Variants in SYT1 observed in about 807,000 individuals in gnomAD.
The protein encoded by SYT1 is synaptotagmin 1, also known as synaptotagmin-1.
In SYT1, 8 loss-of-function variants were observed where a neutral mutation model predicts 44.8. That is an observed-to-expected ratio of 0.18 (90% CI 0.10 to 0.32). The LOEUF is 0.32. SYT1 is among the 10% of genes least tolerant of loss of function. The pLI is 1.00. For missense variants in SYT1, 286 were observed against 509.3 expected (o/e 0.56, Z 4.22); for synonymous variants, 154 against 188.8 (o/e 0.82, Z 1.51).
chr12:79,385,073 G>A (rs1884382644), intron 9 of SYT1, among the ~76,000 whole-genome samples: 1 of 139,830 alleles, frequency 7.2e-6, no homozygotes, highest in Admixed American at 8.1e-5. Flanking sequence ...TGCAACCTCC[G>A]CCTCCTAGAT....
intron 3 of SYT1, among the ~76,000 whole-genome samples, chr12:79,121,204 C>T (rs1380776562): frequency 6.6e-6 from 1 of 151,972 alleles, no homozygotes; most frequent in African/African-American, 2.4e-5. Flanking sequence ...ACGAGCATCC[C>T]ATTGCCCACT....
intron 9 of SYT1, among the ~76,000 whole-genome samples, chr12:79,381,161 C>G (rs887353883): frequency 2.6e-5 from 4 of 152,140 alleles, no homozygotes; most frequent in Non-Finnish European, 1.5e-5. Context: ...AACGAATGGC[C>G]TACTATATTA....
At chr12:79,015,849 C>T (rs1470840788) in intron 2 of SYT1, among the ~76,000 whole-genome samples, 2 of 152,102 alleles carry the variant, frequency 1.3e-5, no homozygotes, top group Non-Finnish European at 2.9e-5. Context: ...CTAGGTAGGC[C>T]AGGATTATCT....
chr12:78,985,947 GA>G (rs1348831681), intron 2 of SYT1, among the ~76,000 whole-genome samples: 15 of 151,904 alleles, frequency 9.9e-5, no homozygotes, highest in African/African-American at 3.6e-4. Context: ...TTGAAGGAGG[GA>G]AAAATAAAAA....
At chr12:79,079,926 A>G (rs1439505016) in intron 3 of SYT1, among the ~76,000 whole-genome samples, 3 of 152,098 alleles carry the variant, frequency 2.0e-5, no homozygotes, top group Non-Finnish European at 4.4e-5. Context: ...GTACTTTTAC[A>G]TAGCTGCTGA....
chr12:79,128,888 C>G (rs146679177), intron 3 of SYT1, among the ~76,000 whole-genome samples: 162 of 152,258 alleles, frequency 1.1e-3, no homozygotes, highest in African/African-American at 3.7e-3. Context: ...TGGTAATTCC[C>G]TGAACACTTT....
chr12:79,063,511 A>G (rs1252352659), intron 3 of SYT1, among the ~76,000 whole-genome samples: 1 of 152,128 alleles, frequency 6.6e-6, no homozygotes, highest in African/African-American at 2.4e-5. Flanking sequence ...TCCACTGTGC[A>G]GTCTGTCCCT....
intron 1 of SYT1, among the ~76,000 whole-genome samples, chr12:78,866,893 T>C (rs78675879): frequency 6.6e-6 from 1 of 152,246 alleles, no homozygotes; most frequent in East Asian, 1.9e-4. Flanking sequence ...GTACGTTTAA[T>C]ATATAAGTTT....
At position 79,222,653 on chromosome 12, in the gene SYT1, G is replaced by A. The variant is rs372107555; in HGVS notation, c.166+4968G>A. Reference sequence around the variant, plus strand: ...CCACCTTGGCATCCTAAAGTGCTGGGATTCCAGGCGTGAGCCACTGCACCT... The same window carrying A: ...CCACCTTGGCATCCTAAAGTGCTGGAATTCCAGGCGTGAGCCACTGCACCT... On this transcript the variant is annotated intron_variant, in intron 4 of 10. Transcript: ENST00000261205. 1.2e-4 allele frequency among the ~76,000 whole-genome samples: 19 copies of A among 152,180 alleles called. 1 individual carries two copies. Among genetic ancestry groups the A allele is most frequent in the East Asian group, 1.2e-3 (6 of 5,192 alleles).
intron 1 of SYT1, among the ~76,000 whole-genome samples, chr12:78,894,343 T>TTG: frequency 1.7e-5 from 2 of 116,166 alleles, no homozygotes; most frequent in South Asian, 2.9e-4. Flanking sequence ...TTTTTTTTTT[T>TTG]TTTTTTTTTT....
intron 3 of SYT1, among the ~76,000 whole-genome samples, chr12:79,086,264 A>T (rs1248855367): frequency 6.6e-6 from 1 of 152,036 alleles, no homozygotes; most frequent in Non-Finnish European, 1.5e-5. Flanking sequence ...AGCTGTGTAT[A>T]GGTATATGTG....
At chr12:79,210,231 A>T (rs574061400) in intron 3 of SYT1, among the ~76,000 whole-genome samples, 15 of 152,270 alleles carry the variant, frequency 9.9e-5, no homozygotes, top group African/African-American at 3.6e-4. Flanking sequence ...ACAAAACTAT[A>T]AACTTTTTTT....
At chr12:79,126,442 G>A (rs1035488732) in intron 3 of SYT1, among the ~76,000 whole-genome samples, 14 of 152,094 alleles carry the variant, frequency 9.2e-5, no homozygotes, top group African/African-American at 3.1e-4. Flanking sequence ...TGTATTTTTA[G>A]TAGAGACGGG....
intron 4 of SYT1, among the ~76,000 whole-genome samples, chr12:79,272,222 G>T (rs1164430075): frequency 6.6e-6 from 1 of 152,144 alleles, no homozygotes; most frequent in African/African-American, 2.4e-5. Flanking sequence ...GTGAGTGTGG[G>T]GGAACAGTGA....
At chr12:79,216,081 G>A (rs1193686038) in intron 3 of SYT1, among the ~76,000 whole-genome samples, 1 of 151,550 alleles carries the variant, frequency 6.6e-6, no homozygotes, top group Non-Finnish European at 1.5e-5. Flanking sequence ...ACAGGTGCCT[G>A]CCACCACACC....
chr12:78,941,993 A>G (rs1168447657), intron 1 of SYT1, among the ~76,000 whole-genome samples: 2 of 152,208 alleles, frequency 1.3e-5, no homozygotes. Context: ...CATTGAGGAC[A>G]CTGGCATCTG....
intron 3 of SYT1, among the ~76,000 whole-genome samples, chr12:79,172,026 A>C (rs1179898284): frequency 6.6e-6 from 1 of 151,984 alleles, no homozygotes; most frequent in Non-Finnish European, 1.5e-5. Flanking sequence ...GCAAATCTTT[A>C]TCTCTTTTAA....
chr12:79,226,405 C>G (rs1378982262), intron 4 of SYT1, among the ~76,000 whole-genome samples: 2 of 152,134 alleles, frequency 1.3e-5, no homozygotes, highest in Non-Finnish European at 2.9e-5. Flanking sequence ...TGGGTAATCT[C>G]ATCTTTTTCC....
At chr12:79,194,854 C>A (rs1480908824) in intron 3 of SYT1, among the ~76,000 whole-genome samples, 4 of 152,050 alleles carry the variant, frequency 2.6e-5, no homozygotes, top group Admixed American at 6.6e-5. Flanking sequence ...ATGTTCAAAA[C>A]CAGTTCTCAG....
Sources: gnomAD v4.1 joint callset for allele counts (sites outside exome capture counted in the v4.1 genomes callset) on GRCh38, gnomAD v4.1.1 for gene constraint, MANE v1.5 for transcripts, NCBI Gene and HGNC (gene_info 2026-07-23, HGNC 2026-07-21) for gene names.